HELZ2: variants seen among roughly 807,000 people sequenced by gnomAD.
HELZ2 encodes 3'-5' exoribonuclease HELZ2.
Under a neutral mutation model 208.8 loss-of-function variants are expected in HELZ2, and 143 were observed. That is an observed-to-expected ratio of 0.68 (90% CI 0.60 to 0.79). The LOEUF is 0.79. HELZ2 is among the 30% of genes least tolerant of loss of function. The pLI is 0.00. For missense variants in HELZ2, 3,690 were observed against 3,794.5 expected (o/e 0.97, Z 0.72); for synonymous variants, 1,705 against 1,693.7 (o/e 1.01, Z -0.16).
In HELZ2 at chr20:63,563,769, G is replaced by A. The variant is rs757371541; in HGVS notation, c.5053C>T (p.Arg1685Trp). ...TGGCCCAGCGCCAGCAGGATCTGCC[G>A]CTGCAACACCACGTCCAGGTACCTG... The change falls in exon 8 of 19, where the codon CGG becomes TGG. Residue 1685 changes from arginine to tryptophan, a missense_variant. Transcript: ENST00000467148. 7.2e-5 allele frequency: 116 copies of A among 1,603,464 alleles called. No individual in the cohort carries two copies. The highest frequency in any genetic ancestry group is 6.3e-4 in the East Asian group (28 of 44,762).
At chr20:63,567,032 G>A (rs143150352) in exon 6 of HELZ2, 78 of 1,610,344 alleles carry the variant, frequency 4.8e-5, no homozygotes, top group African/African-American at 2.0e-4. Context: ...GGGTAGTGCC[G>A]GGGGTGGGGC....
Position 63,567,480 on chromosome 20 carries a change from G to C in HELZ2, c.1878C>G (p.Asp626Glu), listed in dbSNP as rs201679839. 170 of 1,555,928 alleles carry C rather than the reference G, an allele frequency of 1.1e-4. 1 individual carries two copies. The African/African-American group carries it at 2.1e-3, about 19-fold the overall frequency. Residue 626 changes from aspartate (D) to glutamate (E), a missense_variant, in exon 6 of 19, where the codon GAC (aspartate) becomes GAG (glutamate). Transcript: ENST00000467148. ...GTGTGGGCGGGCGGAAAGCCTGGCGGTCGTCGGTCAGGCAACAGTACTGCA... is the reference window on the plus strand; with the variant it reads ...GTGTGGGCGGGCGGAAAGCCTGGCGCTCGTCGGTCAGGCAACAGTACTGCA...
At chr20:63,569,618 G>A in exon 4 of HELZ2, 1 of 1,551,134 alleles carries the variant, frequency 6.4e-7, no homozygotes, top group African/African-American at 1.4e-5. Context: ...CCAGAGAGAA[G>A]TCGGCTCCTG....
upstream of HELZ2, among the ~76,000 whole-genome samples, chr20:63,573,555 C>T (rs1307038216): frequency 1.3e-5 from 2 of 152,108 alleles, no homozygotes; most frequent in African/African-American, 2.4e-5. The surrounding 1 kb of genome is among the most constrained non-coding windows in gnomAD (Gnocchi z 4.9). Flanking sequence ...GGCACAGTGC[C>T]GCCCCCAGGA....
intron 1 of HELZ2, 143 bp from the exon 3 acceptor site, chr20:63,571,011 A>C: frequency 1.5e-6 from 1 of 653,358 alleles, no homozygotes; most frequent in Non-Finnish European, 2.6e-6. Flanking sequence ...CTCCCGGGAC[A>C]AGGCCTGGCT....
intron 2 of HELZ2, 36 bp from the exon 4 acceptor site, chr20:63,570,647 A>AGCCCCCCCCCCCCCCC: frequency 6.7e-7 from 1 of 1,497,372 alleles, no homozygotes; most frequent in Non-Finnish European, 9.2e-7. Flanking sequence ...AGAGGCCTGG[A>AGCCCCCCCCCCCCCCC]CCCCACCCCA....
At chr20:63,570,634 G>A (rs539513756) in intron 2 of HELZ2, 23 bp from the exon 4 acceptor site, 5 of 1,600,776 alleles carry the variant, frequency 3.1e-6, no homozygotes, top group Non-Finnish European at 4.3e-6. Context: ...CTAGCCTTCA[G>A]CAAGAGGCCT....
In HELZ2 at chr20:63,561,900, G is replaced by C. The variant is rs200091305; in HGVS notation, c.6614C>G (p.Pro2205Arg). ...ACCCCCCAGCCGCTTCTCCCCACGG[G>C]GGGGGCCTCCGGGCTGCACCTGCTC... Residue 2205 changes from proline to arginine, a missense_variant, in exon 11 of 19, where the codon CCC (proline) becomes CGC (arginine). Physicochemically the swap from Pro to Arg is moderately radical, Grantham distance 103 (BLOSUM62 -2). Transcript: ENST00000467148. 6.6e-5 allele frequency: 104 copies of C among 1,583,064 alleles called. No homozygotes were observed. The highest frequency in any genetic ancestry group is 1.6e-4 in the East Asian group (7 of 43,564).
exon 10 of HELZ2, chr20:63,562,105 C>T (rs761537319): frequency 6.2e-7 from 1 of 1,609,622 alleles, no homozygotes; most frequent in Non-Finnish European, 8.5e-7. Context: ...AAAGGCTTCT[C>T]CAGAGCCTCC....
At chr20:63,568,302 G>A in intron 5 of HELZ2, 56 bp downstream of exon 6, 2 of 1,345,304 alleles carry the variant, frequency 1.5e-6, no homozygotes, top group Non-Finnish European at 2.1e-6. Context: ...CGCCTGCCCG[G>A]TGTAGACTTG....
exon 6 of HELZ2, chr20:63,567,001 G>T: frequency 6.2e-7 from 1 of 1,610,794 alleles, no homozygotes; most frequent in African/African-American, 1.3e-5. Flanking sequence ...TGGGCTGCCC[G>T]CCACGTGGCA....
chr20:63,572,679 C>T (rs762288432), upstream of HELZ2: 70 of 392,268 alleles, frequency 1.8e-4, no homozygotes, highest in Admixed American at 5.9e-4. Flanking sequence ...AGGATGGCGT[C>T]GGCCGCCCGG....
rs749926409 is a variant in HELZ2 at position 63,562,111 on chromosome 20, C to A, written c.6490G>T (p.Ala2164Ser). 38 of 1,612,458 alleles carry A rather than the reference C, an allele frequency of 2.4e-5. No homozygotes were observed. The South Asian group carries it at 3.6e-4, about 15-fold the overall frequency. Residue 2164 changes from alanine (A) to serine (S), a missense_variant, in exon 10 of 19, where the codon GCT becomes TCT. By Grantham distance (99) the Ala-to-Ser change is moderately conservative. Transcript: ENST00000467148. ...ATGACCGTGAAAGGCTTCTCCAGAG[C>A]CTCCCTGACCGCCACGTTCTGGCTG...
chr20:63,571,911 T>C, intron 1 of HELZ2, 197 bp downstream of exon 2: 1 of 424,680 alleles, frequency 2.4e-6, no homozygotes, highest in Non-Finnish European at 3.9e-6. Context: ...CTGCCTGTGG[T>C]GGGCTCCTGC....
Position 63,559,992 on chromosome 20 carries a change from G to A in HELZ2, c.7761C>T (p.Phe2587=), listed in dbSNP as rs769503378. ...CATTCACTTGGTTGGGGTCCACAACGAAGCCCAGAAACTTCTTGAGCCAGC... is the reference window on the plus strand; with the variant it reads ...CATTCACTTGGTTGGGGTCCACAACAAAGCCCAGAAACTTCTTGAGCCAGC... The change falls in exon 18 of 19, where the codon TTC becomes TTT. Residue 2587 remains phenylalanine, a synonymous_variant. Coordinates refer to ENST00000467148, the Ensembl canonical transcript of HELZ2. The A allele has an allele frequency of 4.0e-5, 65 of 1,612,220 alleles. 2 individuals are homozygous for A. Among genetic ancestry groups the A allele is most frequent in the South Asian group, 1.6e-4 (15 of 91,082 alleles).
chr20:63,572,459 C>T, upstream of HELZ2: 1 of 1,413,584 alleles, frequency 7.1e-7, no homozygotes, highest in South Asian at 1.5e-5. Context: ...CACAAACCTG[C>T]AGTAGGCAGG....
chr20:63,563,117 A>G, exon 8 of HELZ2: 3 of 1,595,898 alleles, frequency 1.9e-6, no homozygotes, highest in Non-Finnish European at 2.6e-6. Flanking sequence ...CACCGTCCAG[A>G]GCTGAGGGCT....
chr20:63,559,397 T>C, intron 18 of HELZ2, 27 bp from the exon 20 acceptor site: 1 of 1,536,830 alleles, frequency 6.5e-7, no homozygotes, highest in Non-Finnish European at 8.8e-7. Context: ...CAGATGGGAG[T>C]CAGTCAGGGT....
Position 63,567,604 on chromosome 20 carries a change from TC to T in HELZ2, c.1753del (p.Glu585SerfsTer19). ...GCCGCTGACGTGGCTGTGGAAATAC[TC>T]CCGGATGTAGATGTCGGCGGCACTG... On this transcript the variant is annotated frameshift_variant, in exon 6 of 19. Transcript: ENST00000467148. LOFTEE classifies it high-confidence loss of function. The T allele has an allele frequency of 6.2e-7, 1 of 1,600,714 alleles. No homozygotes were observed. Among genetic ancestry groups the T allele is most frequent in the Non-Finnish European group, 8.5e-7 (1 of 1,175,098 alleles).
Sources: allele counts gnomAD v4.1 joint callset (sites outside exome capture counted in the v4.1 genomes callset), GRCh38; gene constraint gnomAD v4.1.1; non-coding constraint Gnocchi (gnomAD v3.1); transcripts MANE v1.5; gene names NCBI Gene and HGNC (gene_info 2026-07-23, HGNC 2026-07-21).